The following TRAPPC9 variants were observed in gnomAD, a reference collection of about 807,000 sequenced individuals.
TRAPPC9 encodes trafficking protein particle complex subunit 9.
A neutral mutation model predicts 124.0 loss-of-function variants in TRAPPC9; 83 were observed. The observed-to-expected ratio is 0.67, with a 90% CI of 0.56 to 0.80. TRAPPC9 has a LOEUF of 0.80. TRAPPC9 is among the 30% of genes least tolerant of loss of function. The pLI, the probability that TRAPPC9 is intolerant of heterozygous loss-of-function variation, is 0.00. For synonymous variants in TRAPPC9, 638 were observed against 617.5 expected, an observed-to-expected ratio of 1.03 and a Z score of -0.49; for missense variants, 1,302 against 1,508.3, an observed-to-expected ratio of 0.86 and a Z score of 2.27.
At chr8:140,275,567 T>C in intron 15 of TRAPPC9, 91 bp downstream of exon 15, 1 of 1,442,544 alleles carries the variant, frequency 6.9e-7, no homozygotes, top group Non-Finnish European at 9.7e-7. Context: ...AAGAAGTTTT[T>C]AGATTCTCTG....
At chr8:140,156,365 G>A (rs1273374890) in intron 17 of TRAPPC9, among the ~76,000 whole-genome samples, 1 of 152,180 alleles carries the variant, frequency 6.6e-6, no homozygotes, top group Non-Finnish European at 1.5e-5. Flanking sequence ...TCTGAAAAGT[G>A]AAAATAATGA....
Position 140,303,638 on chromosome 8 carries a change from G to A in TRAPPC9, c.1623-3024C>T, listed in dbSNP as rs139184685. Among the ~76,000 whole-genome samples, 60 of 152,294 alleles carry A rather than the reference G, an allele frequency of 3.9e-4. No homozygotes were observed. The East Asian group carries it at 5.2e-3, about 13-fold the overall frequency. ...GCAATTAGCCTTGGGCCAAAAGCGCGTCTTAGGCACTCAACAAATATTTTA... is the reference window on the plus strand; with the variant it reads ...GCAATTAGCCTTGGGCCAAAAGCGCATCTTAGGCACTCAACAAATATTTTA... On this transcript the variant is annotated intron_variant, in intron 10 of 22. Transcript: ENST00000438773.
At chr8:140,157,044 T>TTTCCATTCAGAAGCCTCCC (rs1563804328) in intron 17 of TRAPPC9, among the ~76,000 whole-genome samples, 3 of 26,612 alleles carry the variant, frequency 1.1e-4, no homozygotes, top group Non-Finnish European at 2.1e-4. Flanking sequence ...AAAGCCTCCC[T>TTTCCATTCAGAAGCCTCCC]TTTCCATTCA....
intron 19 of TRAPPC9, among the ~76,000 whole-genome samples, chr8:139,971,712 T>C (rs1318347992): frequency 2.9e-5 from 2 of 68,606 alleles, no homozygotes; most frequent in Non-Finnish European, 6.3e-5. Context: ...CTAAAGTTCA[T>C]ATATATATAT....
intron 19 of TRAPPC9, among the ~76,000 whole-genome samples, chr8:139,945,543 C>CAAAAAAAAAAAAAAAAAA (rs61528944): frequency 3.0e-5 from 2 of 66,170 alleles, no homozygotes; most frequent in African/African-American, 6.9e-5. Context: ...GCACAATTAG[C>CAAAAAAAAAAAAAAAAAA]AAAAAAAAAA....
chr8:140,438,958 G>A (rs1347049440), intron 3 of TRAPPC9, 94 bp downstream of exon 3: 1 of 1,535,186 alleles, frequency 6.5e-7, no homozygotes, highest in African/African-American at 1.4e-5. Context: ...CCAAAGTGCT[G>A]GGATTACAGG....
intron 5 of TRAPPC9, among the ~76,000 whole-genome samples, chr8:140,416,986 T>C (rs971684420): frequency 2.6e-5 from 4 of 152,180 alleles, no homozygotes; most frequent in Non-Finnish European, 5.9e-5. Context: ...CCCTATTTAA[T>C]AAATGGTGTT....
chr8:139,888,418 A>G (rs1435035705), intron 20 of TRAPPC9, among the ~76,000 whole-genome samples: 1 of 152,210 alleles, frequency 6.6e-6, no homozygotes, highest in African/African-American at 2.4e-5. Flanking sequence ...CAGGGCCGTC[A>G]TGAGGAGTGC....
At chr8:139,937,435 A>T (rs1833603230) in intron 19 of TRAPPC9, among the ~76,000 whole-genome samples, 1 of 152,178 alleles carries the variant, frequency 6.6e-6, no homozygotes, top group African/African-American at 2.4e-5. Flanking sequence ...GGTTGGGCTG[A>T]CATCTCAAAG....
chr8:140,208,121 G>T (rs2062970648), intron 17 of TRAPPC9, among the ~76,000 whole-genome samples: 1 of 150,146 alleles, frequency 6.7e-6, no homozygotes, highest in Admixed American at 6.7e-5. Context: ...TTGCACTCCA[G>T]CCTGGGCGAC....
intron 17 of TRAPPC9, among the ~76,000 whole-genome samples, chr8:140,132,662 C>T (rs533652282): frequency 5.3e-5 from 8 of 152,254 alleles, no homozygotes; most frequent in African/African-American, 1.9e-4. Flanking sequence ...CCCTGGAGAC[C>T]TCGGTCTAGT....
intron 19 of TRAPPC9, among the ~76,000 whole-genome samples, chr8:139,978,342 A>G (rs1360718252): frequency 6.6e-6 from 1 of 152,236 alleles, no homozygotes; most frequent in Non-Finnish European, 1.5e-5. Flanking sequence ...ATGCAAACCA[A>G]TGTTAGGAAA....
chr8:140,065,658 A>G (rs1360993309), intron 17 of TRAPPC9, among the ~76,000 whole-genome samples: 1 of 152,262 alleles, frequency 6.6e-6, no homozygotes, highest in Admixed American at 6.5e-5. Context: ...CCTGGATGAC[A>G]GCGCATCTGT....
chr8:140,407,526 GA>G (rs2069536953), intron 5 of TRAPPC9, among the ~76,000 whole-genome samples: 1 of 152,092 alleles, frequency 6.6e-6, no homozygotes, highest in East Asian at 1.9e-4. Flanking sequence ...AAATCCCCCC[GA>G]CGGAGAAGGA....
At chr8:140,285,121 G>A (rs2065446876) in intron 13 of TRAPPC9, among the ~76,000 whole-genome samples, 1 of 152,104 alleles carries the variant, frequency 6.6e-6, no homozygotes, top group South Asian at 2.1e-4. Flanking sequence ...GATAATACAA[G>A]GTCAGTCCTT....
intron 17 of TRAPPC9, among the ~76,000 whole-genome samples, chr8:140,147,374 C>CT (rs1433656827): frequency 1.3e-5 from 2 of 152,190 alleles, no homozygotes; most frequent in African/African-American, 2.4e-5. Context: ...ACAAACGCTC[C>CT]TAGCACACAG....
At chr8:140,307,086 C>T (rs912014099) in intron 10 of TRAPPC9, among the ~76,000 whole-genome samples, 2 of 152,168 alleles carry the variant, frequency 1.3e-5, no homozygotes, top group Non-Finnish European at 2.9e-5. Context: ...TACATAACTC[C>T]ATGAGGGGCA....
intron 19 of TRAPPC9, among the ~76,000 whole-genome samples, chr8:139,929,536 G>GGA (rs1833002637): frequency 3.3e-5 from 5 of 151,928 alleles, no homozygotes; most frequent in Non-Finnish European, 5.9e-5. Flanking sequence ...AAAAAAAGCT[G>GGA]AGCTGTCCTG....
intron 21 of TRAPPC9, among the ~76,000 whole-genome samples, chr8:139,737,477 C>CCCCCCA (rs1266473296): frequency 1.1e-4 from 14 of 130,018 alleles, no homozygotes; most frequent in African/African-American, 3.6e-4. Flanking sequence ...CCCCCCCCCC[C>CCCCCCA]CACGGAAAAC....
Sources: gnomAD v4.1 joint callset for allele counts (sites outside exome capture counted in the v4.1 genomes callset) on GRCh38, gnomAD v4.1.1 for gene constraint, MANE v1.5 for transcripts, NCBI Gene and HGNC (gene_info 2026-07-23, HGNC 2026-07-21) for gene names.